Variants in ROBO1 observed in about 807,000 individuals in gnomAD.
ROBO1 encodes roundabout homolog 1.
A neutral mutation model predicts 195.9 loss-of-function variants in ROBO1; 149 were observed. The observed-to-expected ratio is 0.76, with a 90% confidence interval of 0.67 to 0.87. The LOEUF is 0.87. Ranked by LOEUF, ROBO1 falls within the 40% of genes least tolerant of loss-of-function variation. The pLI, the probability that ROBO1 is intolerant of heterozygous loss-of-function variation, is 0.00. For synonymous variants in ROBO1, 816 were observed against 733.2 expected, an observed-to-expected ratio of 1.11 and a Z score of -1.82; for missense variants, 1,933 against 2,068.3, an observed-to-expected ratio of 0.93 and a Z score of 1.27.
Position 79,743,858 on chromosome 3 carries a change from G to A in ROBO1, c.-51+23894C>T, listed in dbSNP as rs570291260. ...CCTCCACATCTTGACCCACTGGAAG[G>A]ACTGCAGAACAATAGCACACGGAGC... On this transcript the variant is annotated intron_variant, in intron 1 of 30. Transcript: ENST00000464233. 6.6e-5 allele frequency among the ~76,000 whole-genome samples: 10 copies of A among 152,188 alleles called. No individual in the cohort carries two copies. The South Asian group carries it at 1.9e-3, about 28-fold the overall frequency.
At chr3:79,546,883 A>T (rs1416554657) in intron 2 of ROBO1, among the ~76,000 whole-genome samples, 1 of 152,136 alleles carries the variant, frequency 6.6e-6, no homozygotes. Flanking sequence ...ACTACAGTGT[A>T]AAAAATACGG....
At chr3:79,275,667 A>G (rs1328347421) in intron 2 of ROBO1, among the ~76,000 whole-genome samples, 1 of 152,000 alleles carries the variant, frequency 6.6e-6, no homozygotes, top group Non-Finnish European at 1.5e-5. Context: ...AGGACATCCA[A>G]ACTGGAAAGG....
rs1197498332 is a variant in ROBO1 at position 78,606,829 on chromosome 3, G to T, written c.4648C>A (p.Pro1550Thr). Reference protein sequence around the residue: ...VVDMRTNPGDPREAQEQQNDG... With the variant: ...VVDMRTNPGDTREAQEQQNDG... ...TTTTGCTGTTCCTGTGCTTCTCTGG[G>T]ATCACCTGGATTTGTTCGCATGTCA... Residue 1550 changes from proline to threonine, a missense_variant, in exon 29 of 31, where the codon CCC becomes ACC. Coordinates refer to ENST00000464233, the MANE Select transcript of ROBO1 (RefSeq NM_002941.4). The T allele has an allele frequency of 1.2e-6, 2 of 1,613,774 alleles. No homozygotes were observed. The highest frequency in any genetic ancestry group is 1.7e-6 in the Non-Finnish European group (2 of 1,179,856).
At chr3:78,965,423 T>C (rs74992597) in intron 3 of ROBO1, among the ~76,000 whole-genome samples, 3,595 of 152,202 alleles carry the variant, frequency 0.024, 118 homozygotes, top group African/African-American at 0.081. Flanking sequence ...CATATCATCT[T>C]TAAGCCTGTT....
Position 78,746,897 on chromosome 3 carries a change from AG to A in ROBO1, c.502del (p.Leu168PhefsTer16). On this transcript the variant is annotated frameshift_variant and splice_region_variant, in exon 5 of 31. Coordinates refer to ENST00000464233, the MANE Select transcript of ROBO1 (RefSeq NM_002941.4). LOFTEE classifies it high-confidence loss of function. ...AGGGTTTTGTCTGAAGTCATCCCGA[AG>A]TACTGTAGGAACAAGATTAAATCAT... ...SHNASLEVAI[L>X]RDDFRQNPSD... 1 of 1,556,340 alleles carries A rather than the reference AG, an allele frequency of 6.4e-7. No individual in the cohort carries two copies. The highest frequency in any genetic ancestry group is 8.7e-7 in the Non-Finnish European group (1 of 1,143,976).
At chr3:79,368,089 G>A (rs1471198968) in intron 2 of ROBO1, among the ~76,000 whole-genome samples, 6 of 151,724 alleles carry the variant, frequency 4.0e-5, no homozygotes, top group South Asian at 2.1e-4. Flanking sequence ...CTACAGGTGC[G>A]TGCCACCACA....
At chr3:79,314,250 T>C (rs1041365478) in intron 2 of ROBO1, among the ~76,000 whole-genome samples, 3 of 152,186 alleles carry the variant, frequency 2.0e-5, no homozygotes, top group African/African-American at 7.2e-5. Flanking sequence ...AAAAACCTGA[T>C]GTAAGACTGA....
intron 2 of ROBO1, among the ~76,000 whole-genome samples, chr3:79,315,029 G>A (rs1401334354): frequency 6.6e-6 from 1 of 152,182 alleles, no homozygotes; most frequent in Non-Finnish European, 1.5e-5. Flanking sequence ...AACGAAATGG[G>A]AAACTGTCAT....
intron 2 of ROBO1, among the ~76,000 whole-genome samples, chr3:79,496,341 A>C (rs67563230): frequency 0.34 from 49,319 of 145,442 alleles, 10,482 homozygotes; most frequent in African/African-American, 0.58. Context: ...ATAAAAAAAA[A>C]CAAATCTTTG....
At chr3:79,277,409 C>T (rs902406175) in intron 2 of ROBO1, among the ~76,000 whole-genome samples, 4 of 151,842 alleles carry the variant, frequency 2.6e-5, no homozygotes, top group African/African-American at 9.7e-5. Flanking sequence ...TTTGCCAGAG[C>T]TAAAAATTAA....
At chr3:79,689,503 A>G (rs747239878) in intron 1 of ROBO1, among the ~76,000 whole-genome samples, 2 of 151,950 alleles carry the variant, frequency 1.3e-5, no homozygotes, top group Non-Finnish European at 2.9e-5. Context: ...ATTAAGTGAG[A>G]TATATGGTAC....
At chr3:79,648,619 T>C (rs1945905546) in intron 1 of ROBO1, among the ~76,000 whole-genome samples, 1 of 152,088 alleles carries the variant, frequency 6.6e-6, no homozygotes, top group Non-Finnish European at 1.5e-5. Flanking sequence ...GTTATTAAAA[T>C]GACAACAATG....
intron 3 of ROBO1, among the ~76,000 whole-genome samples, chr3:79,098,457 A>G (rs1001472840): frequency 1.3e-5 from 2 of 151,822 alleles, no homozygotes; most frequent in African/African-American, 4.8e-5. Context: ...TGATATTGAC[A>G]TATGGGAGGA....
At chr3:79,117,938 T>C (rs1346627282) in intron 3 of ROBO1, among the ~76,000 whole-genome samples, 1 of 152,192 alleles carries the variant, frequency 6.6e-6, no homozygotes, top group Non-Finnish European at 1.5e-5. Context: ...AAGAAAAATT[T>C]GTAGACTGCC....
chr3:78,967,664 G>A (rs1467792479), intron 3 of ROBO1, among the ~76,000 whole-genome samples: 2 of 151,974 alleles, frequency 1.3e-5, no homozygotes, highest in Non-Finnish European at 2.9e-5. Context: ...CTGTAGGGCC[G>A]GTCCCTTATT....
At chr3:79,347,297 C>T (rs1043621355) in intron 2 of ROBO1, among the ~76,000 whole-genome samples, 2 of 152,118 alleles carry the variant, frequency 1.3e-5, no homozygotes, top group Admixed American at 6.5e-5. Flanking sequence ...GTGTGTATGA[C>T]TTTAAAATCT....
intron 27 of ROBO1, among the ~76,000 whole-genome samples, chr3:78,615,709 A>G (rs1010701906): frequency 2.6e-5 from 4 of 152,220 alleles, no homozygotes; most frequent in Non-Finnish European, 5.9e-5. Context: ...GAAACTTCAA[A>G]TGGACCGCGA....
At chr3:78,961,939 T>C (rs2041371731) in intron 3 of ROBO1, among the ~76,000 whole-genome samples, 4 of 151,290 alleles carry the variant, frequency 2.6e-5, no homozygotes, top group Admixed American at 6.6e-5. Flanking sequence ...TTTTTGTTTT[T>C]TGTTTTTTTT....
chr3:79,153,248 C>T (rs146342975), intron 2 of ROBO1, among the ~76,000 whole-genome samples: 1 of 151,788 alleles, frequency 6.6e-6, no homozygotes, highest in African/African-American at 2.4e-5. Context: ...GTAGCTAAGG[C>T]TTAGTCGCTT....
Sources: allele counts gnomAD v4.1 joint callset (sites outside exome capture counted in the v4.1 genomes callset), GRCh38; gene constraint gnomAD v4.1.1; transcripts MANE v1.5; gene names NCBI Gene and HGNC (gene_info 2026-07-23, HGNC 2026-07-21).